Variants in RSU1 observed in about 807,000 individuals in gnomAD.
The protein encoded by RSU1 is rsu-1.
Under a neutral mutation model 31.1 loss-of-function variants are expected in RSU1, and 26 were observed. That is an observed-to-expected ratio of 0.84 (90% confidence interval 0.61 to 1.16). The LOEUF (loss-of-function observed/expected upper bound fraction) is 1.16. Ranked by LOEUF, RSU1 falls within the 50% of genes most tolerant of loss-of-function variation. RSU1 has a pLI of 0.00. For missense variants in RSU1, 320 were observed against 339.1 expected, an observed-to-expected ratio of 0.94 and a Z score of 0.44; for synonymous variants, 164 against 136.3, an observed-to-expected ratio of 1.20 and a Z score of -1.41.
Position 16,710,322 on chromosome 10 carries a change from G to A in RSU1, c.599-15167C>T, listed in dbSNP as rs1018705982. 5.9e-5 allele frequency among the ~76,000 whole-genome samples: 9 copies of A among 152,116 alleles called. No individual in the cohort carries two copies. The East Asian group carries it at 7.7e-4, about 13-fold the overall frequency. On this transcript the variant is annotated intron_variant, in intron 7 of 8. Transcript: ENST00000345264. ...GTATTACACTTATTGACTTGCATAC[G>A]TTAAACTACCCTTGCAACACTGGTA...
intron 8 of RSU1, among the ~76,000 whole-genome samples, chr10:16,625,396 A>G (rs1564290009): frequency 6.6e-6 from 1 of 152,164 alleles, no homozygotes; most frequent in East Asian, 1.9e-4. Flanking sequence ...TAAACTAGAA[A>G]AGATCTCAAC....
intron 8 of RSU1, among the ~76,000 whole-genome samples, chr10:16,639,477 T>G (rs1371008758): frequency 3.3e-5 from 5 of 152,226 alleles, no homozygotes; most frequent in Admixed American, 1.3e-4. Flanking sequence ...AAATTATAGC[T>G]GGCAAAATAT....
intron 7 of RSU1, among the ~76,000 whole-genome samples, chr10:16,706,922 C>T (rs1835916277): frequency 6.6e-6 from 1 of 152,126 alleles, no homozygotes; most frequent in African/African-American, 2.4e-5. Flanking sequence ...CACTATTCTA[C>T]TTCCTGTTTC....
intron 8 of RSU1, among the ~76,000 whole-genome samples, chr10:16,648,482 C>T (rs11814855): frequency 0.021 from 3,223 of 152,148 alleles, 116 homozygotes; most frequent in African/African-American, 0.071. Flanking sequence ...AAGTTTGCTA[C>T]GAGCCTCCAC....
intron 7 of RSU1, among the ~76,000 whole-genome samples, chr10:16,736,946 T>C (rs1002630008): frequency 9.6e-5 from 12 of 124,434 alleles, no homozygotes; most frequent in African/African-American, 3.8e-4. Context: ...GATTAGACAC[T>C]ACAGAACAAA....
At chr10:16,694,583 T>A (rs1835634925) in intron 8 of RSU1, among the ~76,000 whole-genome samples, 1 of 152,150 alleles carries the variant, frequency 6.6e-6, no homozygotes, top group Non-Finnish European at 1.5e-5. Flanking sequence ...TCTTGTTTTT[T>A]TCTTTTGAGA....
chr10:16,633,693 A>C (rs1449824122), intron 8 of RSU1, among the ~76,000 whole-genome samples: 3 of 152,200 alleles, frequency 2.0e-5, no homozygotes, highest in Admixed American at 6.5e-5. Flanking sequence ...GACTCCACCC[A>C]GGTCAAGAGT....
At chr10:16,655,712 T>C (rs983191739) in intron 8 of RSU1, among the ~76,000 whole-genome samples, 1 of 152,246 alleles carries the variant, frequency 6.6e-6, no homozygotes, top group Non-Finnish European at 1.5e-5. Flanking sequence ...AGCAAGCTTT[T>C]GGGTGCCATT....
chr10:16,606,305 A>T (rs1350322526), intron 8 of RSU1, among the ~76,000 whole-genome samples: 2 of 152,170 alleles, frequency 1.3e-5, no homozygotes. Flanking sequence ...TTATATATAT[A>T]TTTTAAACTA....
intron 7 of RSU1, among the ~76,000 whole-genome samples, chr10:16,714,544 G>A (rs1255905339): frequency 1.3e-5 from 2 of 152,190 alleles, no homozygotes; most frequent in Admixed American, 6.5e-5. Flanking sequence ...ACGTGCAGGA[G>A]AGGTAATTGG....
intron 8 of RSU1, among the ~76,000 whole-genome samples, chr10:16,677,564 T>C (rs1835256737): frequency 6.6e-6 from 1 of 152,202 alleles, no homozygotes; most frequent in Admixed American, 6.5e-5. Flanking sequence ...GTATCATGCA[T>C]GTGTACAGTG....
chr10:16,810,001 G>T (rs953235850), intron 2 of RSU1, among the ~76,000 whole-genome samples: 18 of 146,278 alleles, frequency 1.2e-4, no homozygotes, highest in African/African-American at 4.2e-4. Flanking sequence ...GTGGGGGGGG[G>T]AGGTGAATCA....
intron 7 of RSU1, among the ~76,000 whole-genome samples, chr10:16,702,282 C>T (rs1835807616): frequency 6.6e-6 from 1 of 152,208 alleles, no homozygotes; most frequent in Admixed American, 6.5e-5. Context: ...GGGTTGGAGC[C>T]CAGACACACA....
At chr10:16,708,932 G>T (rs192149190) in intron 7 of RSU1, among the ~76,000 whole-genome samples, 1 of 76,638 alleles carries the variant, frequency 1.3e-5, no homozygotes, top group Non-Finnish European at 2.4e-5. Context: ...CTTGTATGCT[G>T]ATTTTGTATC....
chr10:16,787,605 G>A (rs1837820253), intron 2 of RSU1, among the ~76,000 whole-genome samples: 1 of 152,220 alleles, frequency 6.6e-6, no homozygotes, highest in South Asian at 2.1e-4. Flanking sequence ...ATCATGGGGA[G>A]TGGTTTCCCC....
intron 8 of RSU1, among the ~76,000 whole-genome samples, chr10:16,653,882 C>A (rs997963279): frequency 6.6e-6 from 1 of 152,128 alleles, no homozygotes; most frequent in African/African-American, 2.4e-5. Flanking sequence ...CCCAATGTGA[C>A]ACCAGAGCTA....
chr10:16,688,148 T>C (rs959409293), intron 8 of RSU1, among the ~76,000 whole-genome samples: 1 of 152,196 alleles, frequency 6.6e-6, no homozygotes, highest in African/African-American at 2.4e-5. Flanking sequence ...ATAAGAGATG[T>C]GACACAATAT....
intron 3 of RSU1, among the ~76,000 whole-genome samples, chr10:16,772,641 G>GAAA (rs60460081): frequency 0.038 from 2,450 of 64,670 alleles, 99 homozygotes; most frequent in African/African-American, 0.1. Flanking sequence ...AGTAGAATAT[G>GAAA]AAAAAAAAAA....
intron 8 of RSU1, among the ~76,000 whole-genome samples, chr10:16,594,355 T>C (rs1331407877): frequency 1.3e-5 from 2 of 151,620 alleles, no homozygotes; most frequent in Non-Finnish European, 2.9e-5. Flanking sequence ...ACAAGGAATA[T>C]GCACACTCTC....
Sources: allele counts gnomAD v4.1 joint callset (sites outside exome capture counted in the v4.1 genomes callset), GRCh38; gene constraint gnomAD v4.1.1; transcripts MANE v1.5; gene names NCBI Gene and HGNC (gene_info 2026-07-23, HGNC 2026-07-21).